Variants in SLC17A1 observed in about 807,000 individuals in gnomAD.
SLC17A1 encodes the protein solute carrier family 17 member 1.
A neutral mutation model predicts 53.5 loss-of-function variants in SLC17A1; 51 were observed. The ratio of observed to expected loss-of-function variants is 0.95; its 90% CI spans 0.76 to 1.20. SLC17A1 has a LOEUF of 1.20. Ranked by LOEUF, SLC17A1 falls within the 50% of genes most tolerant of loss-of-function variation. The pLI is 0.00. For synonymous variants in SLC17A1, 179 were observed against 198.8 expected (o/e 0.90, Z 0.84); for missense variants, 538 against 568.2 (o/e 0.95, Z 0.54).
intron 2 of SLC17A1, among the ~76,000 whole-genome samples, chr6:25,827,054 G>A (rs1289655020): frequency 6.6e-6 from 1 of 152,060 alleles, no homozygotes; most frequent in Non-Finnish European, 1.5e-5. Flanking sequence ...AGAAAAAAAT[G>A]GCATTTTAAA....
chr6:25,831,133 C>T (rs1278764671), intron 1 of SLC17A1, among the ~76,000 whole-genome samples: 4 of 152,194 alleles, frequency 2.6e-5, no homozygotes, highest in East Asian at 1.9e-4. Context: ...ATTCGTTACA[C>T]GTCCACATGC....
At chr6:25,742,318 T>C in the SLC17A1 span, among the ~76,000 whole-genome samples, 6 of 152,092 alleles carry the variant, frequency 3.9e-5, no homozygotes, top group African/African-American at 1.4e-4. Flanking sequence ...ATCCTTTATT[T>C]GCATAAATGG....
the SLC17A1 span, chr6:25,768,999 C>G: frequency 6.2e-7 from 1 of 1,613,874 alleles, no homozygotes; most frequent in East Asian, 2.2e-5. Context: ...TTGTTCAGTC[C>G]GACATGGGCT....
chr6:25,764,699 C>T, the SLC17A1 span, among the ~76,000 whole-genome samples: 2 of 152,134 alleles, frequency 1.3e-5, no homozygotes, highest in Non-Finnish European at 2.9e-5. Flanking sequence ...CTGGGCAGAC[C>T]ACAGACCCCA....
the SLC17A1 span, among the ~76,000 whole-genome samples, chr6:25,745,757 A>G: frequency 5.9e-5 from 9 of 152,348 alleles, no homozygotes; most frequent in Middle Eastern, 3.4e-3. Context: ...AGAAGGAACT[A>G]ATCCGTTACT....
the SLC17A1 span, among the ~76,000 whole-genome samples, chr6:25,728,524 AAGTT>A: frequency 6.6e-6 from 1 of 152,176 alleles, no homozygotes; most frequent in Non-Finnish European, 1.5e-5. Context: ...CTACATTAAA[AAGTT>A]AGTACCGGCC....
intron 12 of SLC17A1, among the ~76,000 whole-genome samples, chr6:25,790,869 G>A (rs963560079): frequency 1.3e-5 from 2 of 152,044 alleles, no homozygotes; most frequent in Admixed American, 6.6e-5. Flanking sequence ...TCATCTACCC[G>A]AAAACACAAG....
At chr6:25,744,253 T>C in the SLC17A1 span, among the ~76,000 whole-genome samples, 2 of 152,116 alleles carry the variant, frequency 1.3e-5, no homozygotes, top group African/African-American at 2.4e-5. Flanking sequence ...AGGAGTGAAA[T>C]GGTCAGATGT....
chr6:25,747,685 G>A, the SLC17A1 span, among the ~76,000 whole-genome samples: 14 of 152,314 alleles, frequency 9.2e-5, no homozygotes, highest in South Asian at 2.9e-3. Context: ...TATAAGAAAA[G>A]ACATGAGAGC....
the SLC17A1 span, among the ~76,000 whole-genome samples, chr6:25,762,569 T>C: frequency 3.3e-5 from 5 of 152,238 alleles, no homozygotes; most frequent in African/African-American, 1.2e-4. Context: ...TAATGAGTTA[T>C]AACTATGTTA....
chr6:25,732,867 T>C, the SLC17A1 span: 2,839 of 306,100 alleles, frequency 9.3e-3, 53 homozygotes, highest in Non-Finnish European at 0.011. Flanking sequence ...CTTGAATGTC[T>C]AATGTCTAGA....
downstream of SLC17A1, chr6:25,780,631 T>G (rs932787848): frequency 6.6e-6 from 1 of 152,258 alleles, no homozygotes; most frequent in African/African-American, 2.4e-5. Context: ...GTAGGCCCAG[T>G]GAAGTGCGTT....
chr6:25,817,327 G>C (rs1397406430), intron 6 of SLC17A1, among the ~76,000 whole-genome samples: 1 of 152,164 alleles, frequency 6.6e-6, no homozygotes, highest in African/African-American at 2.4e-5. Flanking sequence ...AACAATCTTG[G>C]TTTTAGTTTT....
chr6:25,816,379 C>T (rs1764357420), intron 6 of SLC17A1, among the ~76,000 whole-genome samples: 1 of 152,210 alleles, frequency 6.6e-6, no homozygotes, highest in Non-Finnish European at 1.5e-5. Context: ...TGGGAAGAGC[C>T]CTGCTGGTCT....
chr6:25,726,210 G>T, the SLC17A1 span: 6 of 1,610,250 alleles, frequency 3.7e-6, no homozygotes, highest in Non-Finnish European at 5.1e-6. Context: ...GCAGGACTCC[G>T]CCCTGGGCAA....
At chr6:25,732,853 G>C in the SLC17A1 span, 5 of 342,062 alleles carry the variant, frequency 1.5e-5, no homozygotes, top group South Asian at 2.0e-4. Flanking sequence ...AGCCAGCGAA[G>C]TGACTTGAAT....
chr6:25,819,630 T>C, intron 4 of SLC17A1, 32 bp from the exon 5 acceptor site: 1 of 1,611,438 alleles, frequency 6.2e-7, no homozygotes, highest in Non-Finnish European at 8.5e-7. Flanking sequence ...ATTTAATCTC[T>C]AATACTTCCT....
chr6:25,750,310 G>A, the SLC17A1 span, among the ~76,000 whole-genome samples: 2 of 152,230 alleles, frequency 1.3e-5, no homozygotes, highest in East Asian at 3.9e-4. Flanking sequence ...CATAGTTAAT[G>A]TAAATCATGT....
At position 25,811,526 on chromosome 6, in the gene SLC17A1, G is replaced by A. The variant is rs1025046177; in HGVS notation, c.1050C>T (p.Ile350=). 5 of 1,613,954 alleles carry A rather than the reference G, an allele frequency of 3.1e-6. No individual in the cohort carries two copies. Among genetic ancestry groups the A allele is most frequent in the Non-Finnish European group, 4.2e-6 (5 of 1,179,914 alleles). Reference sequence around the variant, plus strand: ...TCAGGTAAGGCAGGCAGACACCAAAGATTGCAGGAAGGAGAAATCCTGGGG... The same window carrying A: ...TCAGGTAAGGCAGGCAGACACCAAAAATTGCAGGAAGGAGAAATCCTGGGG... ...FTAAGFLLPA[I]FGVCLPYLSS... The change falls in exon 10 of 13, where the codon ATC becomes ATT. Residue 350 remains isoleucine (I), a synonymous_variant. Transcript: ENST00000244527.
Sources: allele counts gnomAD v4.1 joint callset (sites outside exome capture counted in the v4.1 genomes callset), GRCh38; gene constraint gnomAD v4.1.1; transcripts MANE v1.5; gene names NCBI Gene and HGNC (gene_info 2026-07-23, HGNC 2026-07-21).